CC2D2A: variants seen among roughly 807,000 people sequenced by gnomAD.
The protein encoded by CC2D2A is coiled-coil and C2 domain-containing protein 2A.
Under a neutral mutation model 212.9 loss-of-function variants are expected in CC2D2A, and 155 were observed. The observed-to-expected ratio is 0.73, with a 90% confidence interval of 0.64 to 0.83. The LOEUF is 0.83. CC2D2A is among the 40% of genes least tolerant of loss of function. The pLI is 0.00. For synonymous variants in CC2D2A, 667 were observed against 686.5 expected, an observed-to-expected ratio of 0.97 and a Z score of 0.44; for missense variants, 1,856 against 1,956.2, an observed-to-expected ratio of 0.95 and a Z score of 0.97.
intron 16 of CC2D2A, among the ~76,000 whole-genome samples, chr4:15,539,906 TAGACATGTAAAAAG>T (rs1718332574): frequency 2.0e-5 from 3 of 152,198 alleles, no homozygotes; most frequent in African/African-American, 7.2e-5. Flanking sequence ...GTCTAAATTA[TAGACATGTAAAAAG>T]TTAAAACTAC....
At chr4:15,600,377 T>C (rs1231514722) in intron 36 of CC2D2A, among the ~76,000 whole-genome samples, 1 of 152,212 alleles carries the variant, frequency 6.6e-6, no homozygotes, top group Non-Finnish European at 1.5e-5. Context: ...GTCCCACTCT[T>C]TTGCAAGTCC....
intron 6 of CC2D2A, among the ~76,000 whole-genome samples, chr4:15,505,490 G>C (rs984477594): frequency 6.6e-6 from 1 of 152,118 alleles, no homozygotes; most frequent in Admixed American, 6.5e-5. Context: ...TTCCTGCCAG[G>C]TGTCCGATAG....
chr4:15,599,742 T>G (rs747277124), intron 36 of CC2D2A, 36 bp downstream of exon 36: 2 of 1,493,436 alleles, frequency 1.3e-6, no homozygotes, highest in Admixed American at 2.0e-5. Context: ...GACTGTGGAT[T>G]TCCTTGTTTC....
chr4:15,533,478 G>A (rs1032538218), intron 14 of CC2D2A, 145 bp downstream of exon 14: 2 of 512,698 alleles, frequency 3.9e-6, no homozygotes, highest in Non-Finnish European at 6.7e-6. Context: ...TTGCATACCT[G>A]AGCAGCCCCT....
In CC2D2A at chr4:15,587,811, G is replaced by C. The variant is rs1355004331; in HGVS notation, c.4066-5G>C. ...TACAACATAATTTTTTTTTCTTTTT[G>C]TCAGCAATTTCTTGATCTCCTGGCA... On this transcript the variant is annotated splice_polypyrimidine_tract_variant and splice_region_variant and intron_variant, in intron 31 of 36. Coordinates refer to ENST00000424120, the MANE Select transcript of CC2D2A (RefSeq NM_001378615.1). The C allele has an allele frequency of 1.3e-6, 2 of 1,549,186 alleles. No individual in the cohort carries two copies. Among genetic ancestry groups the C allele is most frequent in the Admixed American group, 1.8e-5 (1 of 57,106 alleles).
intron 2 of CC2D2A, among the ~76,000 whole-genome samples, chr4:15,477,953 T>C (rs1008683662): frequency 1.3e-5 from 2 of 152,010 alleles, no homozygotes; most frequent in Non-Finnish European, 2.9e-5. Context: ...AAAAAAATCC[T>C]AATTTTAGGA....
chr4:15,585,835 A>G (rs1720835282), intron 30 of CC2D2A, among the ~76,000 whole-genome samples: 1 of 152,146 alleles, frequency 6.6e-6, no homozygotes, highest in African/African-American at 2.4e-5. Context: ...GACTGCTTTC[A>G]AGACTGGGCC....
chr4:15,566,630 GA>G (rs1719892606), intron 24 of CC2D2A, among the ~76,000 whole-genome samples: 1 of 152,120 alleles, frequency 6.6e-6, no homozygotes, highest in African/African-American at 2.4e-5. Context: ...AAGCATAAGG[GA>G]GAATGTTTGT....
intron 2 of CC2D2A, among the ~76,000 whole-genome samples, chr4:15,477,242 C>T (rs144120875): frequency 0.024 from 3,578 of 148,316 alleles, 77 homozygotes; most frequent in Non-Finnish European, 0.033. Flanking sequence ...GCGGAGGTTG[C>T]GGTGAGCCGA....
chr4:15,547,836 T>C (rs1718789673), intron 17 of CC2D2A, among the ~76,000 whole-genome samples: 1 of 152,064 alleles, frequency 6.6e-6, no homozygotes, highest in Non-Finnish European at 1.5e-5. Context: ...GGTTGGCAGT[T>C]CGAGACCAGT....
chr4:15,533,265 G>C lies in CC2D2A; in HGVS notation c.1539G>C (p.Trp513Cys). ...RTLLKTIIKV[W>C]KEMKSLREFQ... ...TGCTTAAGACTATCATAAAAGTTTG[G>C]AAAGAGATGAAATCCCTTCGAGAGT... The change falls in exon 14 of 37, where the codon TGG becomes TGC. Residue 513 changes from tryptophan (W) to cysteine (C), a missense_variant. Trp to Cys is a radical substitution (Grantham distance 215, BLOSUM62 -2). Transcript: ENST00000424120. 1 of 1,601,212 alleles carries C rather than the reference G, an allele frequency of 6.2e-7. No individual in the cohort carries two copies. Among genetic ancestry groups the C allele is most frequent in the South Asian group, 1.1e-5 (1 of 87,516 alleles).
intron 8 of CC2D2A, among the ~76,000 whole-genome samples, chr4:15,514,491 C>T (rs560325264): frequency 1.3e-5 from 2 of 152,312 alleles, no homozygotes; most frequent in Non-Finnish European, 2.9e-5. Flanking sequence ...CTGATTTTGA[C>T]ATCTTCCAGG....
At chr4:15,568,364 T>G (rs1465418393) in intron 26 of CC2D2A, among the ~76,000 whole-genome samples, 3 of 152,206 alleles carry the variant, frequency 2.0e-5, no homozygotes, top group Non-Finnish European at 2.9e-5. Flanking sequence ...GAGCAAGGAT[T>G]AGAACTACTT....
intron 2 of CC2D2A, among the ~76,000 whole-genome samples, chr4:15,477,206 G>T (rs573594799): frequency 1.6e-3 from 250 of 151,892 alleles, no homozygotes; most frequent in Middle Eastern, 6.8e-3. Flanking sequence ...GGAGGCTGAG[G>T]CAGGAGAATC....
chr4:15,581,327 A>C (rs997544313), intron 30 of CC2D2A, among the ~76,000 whole-genome samples: 2 of 152,256 alleles, frequency 1.3e-5, no homozygotes, highest in African/African-American at 4.8e-5. Flanking sequence ...AACACTTAAG[A>C]GTGATGAATA....
chr4:15,530,405 T>G (rs1717785614), intron 13 of CC2D2A, among the ~76,000 whole-genome samples: 1 of 152,176 alleles, frequency 6.6e-6, no homozygotes, highest in African/African-American at 2.4e-5. Flanking sequence ...TAAAAATTAT[T>G]TTTTATATTA....
intron 20 of CC2D2A, 138 bp downstream of exon 20, chr4:15,555,348 T>G: frequency 9.0e-7 from 1 of 1,106,560 alleles, no homozygotes; most frequent in African/African-American, 1.6e-5. Flanking sequence ...CCAGCTGTGC[T>G]TCTTGCCTGG....
chr4:15,519,534 G>A, intron 11 of CC2D2A: 1 of 447,828 alleles, frequency 2.2e-6, no homozygotes, highest in South Asian at 1.6e-5. Context: ...CCAATTTATT[G>A]TATTAGTCCA....
At chr4:15,528,552 T>G (rs1246704384) in intron 12 of CC2D2A, 68 bp from the exon 13 acceptor site, 6 of 1,292,702 alleles carry the variant, frequency 4.6e-6, no homozygotes, top group African/African-American at 1.5e-5. Flanking sequence ...GAGAAGTGGG[T>G]GGGTCCAGTT....
Sources: gnomAD v4.1 joint callset for allele counts (sites outside exome capture counted in the v4.1 genomes callset) on GRCh38, gnomAD v4.1.1 for gene constraint, MANE v1.5 for transcripts, NCBI Gene and HGNC (gene_info 2026-07-23, HGNC 2026-07-21) for gene names.